The following CYP4F2 variants were observed in gnomAD, a reference collection of about 807,000 sequenced individuals.
CYP4F2 encodes cytochrome P450 4F2.
In CYP4F2, 58 loss-of-function variants were observed where a neutral mutation model predicts 58.9. The ratio of observed to expected loss-of-function variants is 0.98; its 90% CI spans 0.80 to 1.23. CYP4F2 has a LOEUF of 1.23. Among genes scored for constraint, CYP4F2 ranks in the 50% most tolerant of loss-of-function variants. The pLI is 0.00. For missense variants in CYP4F2, 616 were observed against 685.6 expected, an observed-to-expected ratio of 0.90 and a Z score of 1.13; for synonymous variants, 287 against 261.1, an observed-to-expected ratio of 1.10 and a Z score of -0.95.
At chr19:15,896,565 C>T (rs1430663083) in intron 2 of CYP4F2, among the ~76,000 whole-genome samples, 1 of 152,172 alleles carries the variant, frequency 6.6e-6, no homozygotes, top group Non-Finnish European at 1.5e-5. Context: ...CTGGCTGATC[C>T]ACAGAGGCTC....
At chr19:15,897,264 T>C in intron 2 of CYP4F2, 150 bp downstream of exon 2, 1 of 821,544 alleles carries the variant, frequency 1.2e-6, no homozygotes, top group South Asian at 1.8e-5. Context: ...CTCACAGAAA[T>C]GAATAAGCAG....
chr19:15,892,389 G>A lies in CYP4F2; in HGVS notation c.445C>T (p.Arg149Trp), dbSNP rs780906704. The A allele has an allele frequency of 2.5e-5, 40 of 1,614,080 alleles. No individual in the cohort carries two copies. The highest frequency in any genetic ancestry group is 2.3e-4 in the South Asian group (21 of 91,076). Reference sequence around the variant, plus strand: ...AAATGGAAGGCAGGCGTCAGCATCCGACGGTGGCGGCTCCACTTGTCACCA... The same window carrying A: ...AAATGGAAGGCAGGCGTCAGCATCCAACGGTGGCGGCTCCACTTGTCACCA... ...SAGDKWSRHR[R>W]MLTPAFHFNI... The change falls in exon 5 of 13, where the codon CGG becomes TGG. Residue 149 changes from arginine to tryptophan, a missense_variant. By Grantham distance (101) the Arg-to-Trp change is moderately radical. Transcript: ENST00000221700.
intron 2 of CYP4F2, among the ~76,000 whole-genome samples, chr19:15,896,234 C>A (rs1457404741): frequency 1.1e-4 from 1 of 9,270 alleles, no homozygotes; most frequent in African/African-American, 3.0e-4. Context: ...ATCCTATTAG[C>A]TATCTATCTA....
chr19:15,891,146 C>T (rs972889188), intron 5 of CYP4F2, among the ~76,000 whole-genome samples: 9 of 152,034 alleles, frequency 5.9e-5, no homozygotes, highest in African/African-American at 1.7e-4. Flanking sequence ...GTTGTGTTTG[C>T]GAAGAAAAAC....
chr19:15,892,082 C>A (rs2089419371), intron 5 of CYP4F2, among the ~76,000 whole-genome samples: 1 of 152,204 alleles, frequency 6.6e-6, no homozygotes, highest in Non-Finnish European at 1.5e-5. Context: ...TAGAAACAGA[C>A]ACCTTCTGGG....
intron 9 of CYP4F2, among the ~76,000 whole-genome samples, chr19:15,881,417 GAT>G (rs2089343749): frequency 6.6e-6 from 1 of 152,136 alleles, no homozygotes. Flanking sequence ...ATGATTCAGA[GAT>G]AGATGATAGA....
At chr19:15,883,657 A>C (rs1270873760) in intron 9 of CYP4F2, among the ~76,000 whole-genome samples, 1 of 152,228 alleles carries the variant, frequency 6.6e-6, no homozygotes, top group Non-Finnish European at 1.5e-5. Context: ...ATCCCAAAGA[A>C]AGAAAATAAA....
chr19:15,882,737 A>C (rs1224440330), intron 9 of CYP4F2, among the ~76,000 whole-genome samples: 1 of 152,250 alleles, frequency 6.6e-6, no homozygotes, highest in African/African-American at 2.4e-5. Flanking sequence ...TTTAAAAACA[A>C]ACTCATTTTT....
intron 7 of CYP4F2, among the ~76,000 whole-genome samples, chr19:15,888,933 TATAGAC>T: frequency 6.6e-6 from 1 of 151,282 alleles, no homozygotes; most frequent in Middle Eastern, 3.5e-3. Context: ...TGGATGAAAA[TATAGAC>T]AGAGACAAAG....
chr19:15,879,323 C>A, intron 12 of CYP4F2, 23 bp downstream of exon 12: 1 of 1,613,654 alleles, frequency 6.2e-7, no homozygotes, highest in South Asian at 1.1e-5. Context: ...CCCGTTCCCA[C>A]CTCAGACACA....
intron 5 of CYP4F2, among the ~76,000 whole-genome samples, chr19:15,891,799 G>A (rs994132984): frequency 1.3e-5 from 2 of 152,102 alleles, no homozygotes; most frequent in African/African-American, 4.8e-5. Context: ...ACACGTGAGA[G>A]AACCCAAACA....
chr19:15,896,615 T>C (rs1248429281), intron 2 of CYP4F2, among the ~76,000 whole-genome samples: 1 of 152,180 alleles, frequency 6.6e-6, no homozygotes, highest in African/African-American at 2.4e-5. Flanking sequence ...ATGGGAGACC[T>C]TCCCTTTTCA....
rs80098556 is a variant in CYP4F2 at position 15,894,273 on chromosome 19, A to G, written c.343+1233T>C. Reference sequence around the variant, plus strand: ...ACCAACAAACTTCTTTGTGCCCCCAAAACAGTAGCTCTGGAAGACCCAGGC... The same window carrying G: ...ACCAACAAACTTCTTTGTGCCCCCAGAACAGTAGCTCTGGAAGACCCAGGC... On this transcript the variant is annotated intron_variant, in intron 3 of 12. Transcript: ENST00000221700. 4.0e-3 allele frequency among the ~76,000 whole-genome samples: 606 copies of G among 152,270 alleles called. 3 individuals carry two copies. Among genetic ancestry groups the G allele is most frequent in the Non-Finnish European group, 5.8e-3 (396 of 68,018 alleles).
intron 2 of CYP4F2, among the ~76,000 whole-genome samples, chr19:15,896,723 C>T (rs77695958): frequency 0.029 from 4,419 of 152,276 alleles, 238 homozygotes; most frequent in African/African-American, 0.098. Context: ...CTAGTGTGTC[C>T]TGTGCACCCT....
intron 11 of CYP4F2, 72 bp downstream of exon 11, chr19:15,879,532 C>A (rs2089329654): frequency 6.2e-7 from 1 of 1,609,296 alleles, no homozygotes; most frequent in East Asian, 2.2e-5. Context: ...ATGTTGGATA[C>A]TCCTGATCAA....
chr19:15,897,787 C>T, intron 1 of CYP4F2, 175 bp from the exon 2 acceptor site: 1 of 699,014 alleles, frequency 1.4e-6, no homozygotes, highest in Non-Finnish European at 2.3e-6. Flanking sequence ...CCAAAACCAG[C>T]AGCCAAGTGG....
intron 9 of CYP4F2, among the ~76,000 whole-genome samples, 154 bp downstream of exon 9, chr19:15,885,770 G>A (rs2089373989): frequency 6.6e-6 from 1 of 152,056 alleles, no homozygotes. Flanking sequence ...CAGACAGTCA[G>A]GATGGGTACT....
intron 7 of CYP4F2, among the ~76,000 whole-genome samples, chr19:15,888,289 C>T (rs1327715255): frequency 2.0e-5 from 3 of 151,886 alleles, no homozygotes; most frequent in Non-Finnish European, 4.4e-5. Flanking sequence ...GACGCACACA[C>T]ATAGATGAAG....
chr19:15,895,473 A>G, intron 3 of CYP4F2, 33 bp downstream of exon 3: 1 of 1,470,344 alleles, frequency 6.8e-7, no homozygotes, highest in Non-Finnish European at 9.0e-7. Flanking sequence ...CAGGCCTCAA[A>G]TGCACTGCCC....
Sources: allele counts gnomAD v4.1 joint callset (sites outside exome capture counted in the v4.1 genomes callset), GRCh38; gene constraint gnomAD v4.1.1; transcripts MANE v1.5; gene names NCBI Gene and HGNC (gene_info 2026-07-23, HGNC 2026-07-21).